Variants in MTO1 observed in about 807,000 individuals in gnomAD.
MTO1 encodes 5-taurinomethyluridine-[tRNA] synthase subunit MTO1, mitochondrial.
In MTO1, 46 loss-of-function variants were observed where a neutral mutation model predicts 71.6. The ratio of observed to expected loss-of-function variants is 0.64; its 90% CI spans 0.51 to 0.82. The LOEUF is 0.82. MTO1 is among the 40% of genes least tolerant of loss of function. The pLI, the probability that MTO1 is intolerant of heterozygous loss-of-function variation, is 0.00. For synonymous variants in MTO1, 297 were observed against 312.1 expected (o/e 0.95, Z 0.51); for missense variants, 773 against 867.5 (o/e 0.89, Z 1.37).
chr6:73,473,075 T>C (rs1015218329), intron 3 of MTO1, among the ~76,000 whole-genome samples: 1 of 152,148 alleles, frequency 6.6e-6, no homozygotes, highest in Non-Finnish European at 1.5e-5. Context: ...AGGTCGGGAA[T>C]TCGAGACCAG....
Position 73,486,863 on chromosome 6 carries a change from G to A in MTO1, c.1637+4243G>A, listed in dbSNP as rs1257839768. 7 of 170,038 alleles carry A rather than the reference G, an allele frequency of 4.1e-5. No homozygotes were observed. The South Asian group carries it at 8.2e-4, about 20-fold the overall frequency. 10.5% of individuals were successfully genotyped at this position (170,038 alleles called of 1,614,324 possible). A position where few individuals can be genotyped will look rare whatever the true frequency, so the allele number is the denominator to read the frequency against. On this transcript the variant is annotated intron_variant, in intron 9 of 11. Coordinates refer to ENST00000498286, the MANE Select transcript of MTO1 (RefSeq NM_012123.4). The stretch of plus-strand genomic sequence containing the variant: ...TCCCAGCACTTTGGGAGGCTAAGGT[G>A]GGAGGATCCTTTGAACCCAGGAGGT...
chr6:73,481,111 AC>A lies in MTO1; in HGVS notation c.1260+309del, dbSNP rs988279203. 30 of 321,012 alleles carry A rather than the reference AC, an allele frequency of 9.3e-5. No homozygotes were observed. Among genetic ancestry groups the A allele is most frequent in the African/African-American group, 6.7e-4 (30 of 44,620 alleles). The allele number at this position is 321,012 out of a possible 1,614,324, so 19.9% of individuals were successfully genotyped here. A position where few individuals can be genotyped will look rare whatever the true frequency, so the allele number is the denominator to read the frequency against. ...TGGGACTGCAGGCATGCACCACAAC[AC>A]CCAGGTAATTTTTGCATTTTTAGTA... On this transcript the variant is annotated intron_variant, in intron 7 of 11. Coordinates refer to ENST00000498286, the MANE Select transcript of MTO1 (RefSeq NM_012123.4).
intron 10 of MTO1, among the ~76,000 whole-genome samples, chr6:73,497,154 A>ATTTTTTTT (rs1249968654): frequency 6.6e-5 from 2 of 30,358 alleles, no homozygotes. Context: ...GCGGAAGCAA[A>ATTTTTTTT]TTCTTTTTTT....
chr6:73,482,510 T>G lies in MTO1; in HGVS notation c.1527T>G (p.Ser509=). ...QRYERACWMK[S]SLEEGISVLK... ...ATGAAAGAGCTTGTTGGATGAAGTC[T>G]TCTTTAGAAGAAGGCATTTCTGTGT... Residue 509 remains serine (S), a synonymous_variant, in exon 9 of 12, where the codon TCT becomes TCG. Coordinates refer to ENST00000498286, the MANE Select transcript of MTO1 (RefSeq NM_012123.4). The G allele has an allele frequency of 6.2e-7, 1 of 1,613,432 alleles. No individual in the cohort carries two copies. Among genetic ancestry groups the G allele is most frequent in the South Asian group, 1.1e-5 (1 of 91,050 alleles).
chr6:73,497,370 T>C (rs1772017191), intron 10 of MTO1, among the ~76,000 whole-genome samples: 1 of 151,736 alleles, frequency 6.6e-6, no homozygotes, highest in South Asian at 2.1e-4. Context: ...CCCATGCTGG[T>C]CTCGAACTCT....
chr6:73,473,544 A>T lies in MTO1; in HGVS notation c.715A>T (p.Thr239Ser). The T allele has an allele frequency of 6.2e-7, 1 of 1,613,632 alleles. No homozygotes were observed. Among genetic ancestry groups the T allele is most frequent in the Non-Finnish European group, 8.5e-7 (1 of 1,179,944 alleles). ...TGTGGTGGGAAGGTTGAAGACTGGG[A>T]CTCCACCCCGAATTGCCAAAGAGTC... ...GFVVGRLKTG[T>S]PPRIAKESIN... The change falls in exon 4 of 12, where the codon ACT (threonine) becomes TCT (serine). Residue 239 changes from threonine (T) to serine (S), a missense_variant. By Grantham distance (58) the Thr-to-Ser change is moderately conservative. Transcript: ENST00000498286.
intron 11 of MTO1, 28 bp from the exon 12 acceptor site, chr6:73,500,546 T>C: frequency 6.2e-7 from 1 of 1,603,416 alleles, no homozygotes; most frequent in South Asian, 1.1e-5. Context: ...ATAGCTCACT[T>C]AGTTTCTCTT....
Position 73,500,854 on chromosome 6 carries a change from C to A in MTO1, c.*119C>A. The stretch of plus-strand genomic sequence containing the variant: ...GCTTTATTAGGTTACTATGGGTTTG[C>A]CATTAATTTCTGAGTGGGACAGAAA... On this transcript the variant is annotated 3_prime_UTR_variant, in exon 12 of 12. Coordinates refer to ENST00000498286, the MANE Select transcript of MTO1 (RefSeq NM_012123.4). The A allele has an allele frequency of 1.1e-6, 1 of 877,310 alleles. No homozygotes were observed. The highest frequency in any genetic ancestry group is 1.6e-6 in the Non-Finnish European group (1 of 643,478). The allele number at this position is 877,310 out of a possible 1,614,324, so 54.3% of individuals were successfully genotyped here.
In MTO1 at chr6:73,462,036, G is replaced by C. The variant is rs1330744871; in HGVS notation, c.182G>C (p.Arg61Pro). The change falls in exon 1 of 12, where the codon CGG becomes CCG. Residue 61 changes from arginine (R) to proline (P), a missense_variant. Arg to Pro is a moderately radical substitution (Grantham distance 103). Transcript: ENST00000498286. The stretch of plus-strand genomic sequence containing the variant: ...ACCGCCGCCGCTCGGTGCGGCTCTC[G>C]GACTCTGCTCCTCACTCACCGCGTG... ...AATAAARCGS[R>P]TLLLTHRVDT... 4.3e-6 allele frequency: 7 copies of C among 1,613,830 alleles called. No individual in the cohort carries two copies. The highest frequency in any genetic ancestry group is 3.3e-5 in the Admixed American group (2 of 59,996).
In MTO1 at chr6:73,461,925, G is replaced by A. The variant is rs200417760; in HGVS notation, c.71G>A (p.Arg24Gln). Residue 24 changes from arginine (R) to glutamine (Q), a missense_variant, in exon 1 of 12, where the codon CGG becomes CAG. Arg to Gln is a conservative substitution (Grantham distance 43, BLOSUM62 1). Transcript: ENST00000498286. ...SFTKQQFPLA[R>Q]LSSDSAAPRT... ...ACCAAGCAGCAATTTCCGTTGGCAC[G>A]GTTGAGCAGTGACAGCGCGGCGCCC... is the stretch of plus-strand genomic sequence containing the variant. 17 of 1,614,152 alleles carry A rather than the reference G, an allele frequency of 1.1e-5. No individual in the cohort carries two copies. In the South Asian group the frequency reaches 1.5e-4, roughly 15 times the overall value.
rs755954353 is a variant in MTO1, at chr6:73,473,561, CAA to C, written c.734_735del (p.Lys245ArgfsTer4). 3.0e-5 allele frequency: 49 copies of C among 1,613,850 alleles called. No individual in the cohort carries two copies. Among genetic ancestry groups the C allele is most frequent in the Non-Finnish European group, 7.6e-6 (9 of 1,180,008 alleles). On this transcript the variant is annotated frameshift_variant, in exon 4 of 12. Coordinates refer to ENST00000498286, the MANE Select transcript of MTO1 (RefSeq NM_012123.4). LOFTEE classifies it high-confidence loss of function. ...AGACTGGGACTCCACCCCGAATTGC[CAA>C]AGAGTCCATTAATTTCAGTATTCTA... ...LKTGTPPRIA[K>X]ESINFSILNK...
Position 73,482,560 on chromosome 6 carries a change from C to G in MTO1, c.1577C>G (p.Ser526Cys). 6.2e-7 allele frequency: 1 copy of G among 1,611,910 alleles called. No homozygotes were observed. The highest frequency in any genetic ancestry group is 8.5e-7 in the Non-Finnish European group (1 of 1,179,826). ...TTGAAATCTATTGAGTTTTTGAGCT[C>G]TAAATGGAAAAAATTAATCCCAGAG... ...SVLKSIEFLS[S>C]KWKKLIPEAS... The change falls in exon 9 of 12, where the codon TCT becomes TGT. Residue 526 changes from serine to cysteine, a missense_variant. By Grantham distance (112) the Ser-to-Cys change is moderately radical. Transcript: ENST00000498286.
At chr6:73,467,911 C>T (rs1181447187) in intron 3 of MTO1, among the ~76,000 whole-genome samples, 2 of 152,066 alleles carry the variant, frequency 1.3e-5, no homozygotes, top group Non-Finnish European at 2.9e-5. Context: ...ACCTGAGCCT[C>T]CCGGGTTCAA....
intron 9 of MTO1, among the ~76,000 whole-genome samples, chr6:73,490,310 A>G (rs957122905): frequency 1.1e-4 from 16 of 152,066 alleles, no homozygotes; most frequent in African/African-American, 3.9e-4. Flanking sequence ...CCCATTTGTC[A>G]ATTTTGGCAT....
chr6:73,485,957 A>G (rs1771641156), intron 9 of MTO1, among the ~76,000 whole-genome samples: 1 of 148,488 alleles, frequency 6.7e-6, no homozygotes, highest in Admixed American at 6.7e-5. Flanking sequence ...ACACACACAC[A>G]CATTTTCTGT....
chr6:73,465,578 A>T (rs1421672737), intron 1 of MTO1, among the ~76,000 whole-genome samples: 1 of 152,132 alleles, frequency 6.6e-6, no homozygotes, highest in Non-Finnish European at 1.5e-5. Context: ...AAAAGAACAA[A>T]TTTAAAAACC....
At chr6:73,491,474 A>T (rs1011338291) in intron 9 of MTO1, among the ~76,000 whole-genome samples, 1 of 151,960 alleles carries the variant, frequency 6.6e-6, no homozygotes, top group African/African-American at 2.4e-5. Flanking sequence ...TTTTGCAGAG[A>T]CTTAAAACAT....
At position 73,508,790 on chromosome 6, in the gene MTO1, T is replaced by C. The variant is rs1772351952; in HGVS notation, c.*8055T>C. The C allele has an allele frequency of 6.6e-6, 1 of 152,246 alleles. No individual in the cohort carries two copies. The highest frequency in any genetic ancestry group is 2.1e-4 in the South Asian group (1 of 4,832). 9.4% of individuals were successfully genotyped at this position (152,246 alleles called of 1,614,324 possible). A position where few individuals can be genotyped will look rare whatever the true frequency, so the allele number is the denominator to read the frequency against. ...GATGTTTACTGGGTTGCTAGTTATA[T>C]ATAGAATCCTGCAAGAGGCTCAACA... On this transcript the variant is annotated 3_prime_UTR_variant, in exon 12 of 12. Coordinates refer to ENST00000498286, the MANE Select transcript of MTO1 (RefSeq NM_012123.4).
rs1455824736 is a variant in MTO1 at position 73,466,247 on chromosome 6, A to G, written c.256A>G (p.Lys86Glu). The change falls in exon 2 of 12, where the codon AAG becomes GAG. Residue 86 changes from lysine (K) to glutamate (E), a missense_variant. Transcript: ENST00000498286. Reference sequence around the variant, plus strand: ...TAATCCTTCCTTTGGTGGCATCGGAAAGGGACATTTAATGAGGGAAGTAGA... The same window carrying G: ...TAATCCTTCCTTTGGTGGCATCGGAGAGGGACATTTAATGAGGGAAGTAGA... ...SCNPSFGGIGKGHLMREVDAL... is the reference protein window; with the variant it reads ...SCNPSFGGIGEGHLMREVDAL... 6.2e-7 allele frequency: 1 copy of G among 1,614,012 alleles called. No individual in the cohort carries two copies. Among genetic ancestry groups the G allele is most frequent in the South Asian group, 1.1e-5 (1 of 91,078 alleles).
Sources: gnomAD v4.1 joint callset for allele counts (sites outside exome capture counted in the v4.1 genomes callset) on GRCh38, gnomAD v4.1.1 for gene constraint, MANE v1.5 for transcripts, NCBI Gene and HGNC (gene_info 2026-07-23, HGNC 2026-07-21) for gene names.